PDE7B: variants seen among roughly 807,000 people sequenced by gnomAD.
PDE7B encodes the protein 3',5'-cyclic-AMP phosphodiesterase 7B.
Under a neutral mutation model 56.2 loss-of-function variants are expected in PDE7B, and 29 were observed. That is an observed-to-expected ratio of 0.52 (90% CI 0.38 to 0.70). The LOEUF is 0.70. Ranked by LOEUF, PDE7B falls within the 30% of genes least tolerant of loss-of-function variation. PDE7B has a pLI of 0.00. For missense variants in PDE7B, 490 were observed against 565.0 expected, an observed-to-expected ratio of 0.87 and a Z score of 1.35; for synonymous variants, 197 against 196.9, an observed-to-expected ratio of 1.00 and a Z score of 0.00.
chr6:136,097,216 C>T (rs1208134005), intron 2 of PDE7B, among the ~76,000 whole-genome samples: 1 of 152,130 alleles, frequency 6.6e-6, no homozygotes, highest in Admixed American at 6.5e-5. Flanking sequence ...AGAAATTCCC[C>T]CTAAGCCCCA....
intron 2 of PDE7B, among the ~76,000 whole-genome samples, chr6:136,067,356 G>A (rs533847901): frequency 6.6e-6 from 1 of 152,232 alleles, no homozygotes; most frequent in Admixed American, 6.5e-5. Flanking sequence ...ATTTATTTCT[G>A]TTTCTCAGCC....
chr6:135,979,856 C>T lies in PDE7B; in HGVS notation c.82+32332C>T, dbSNP rs2077345857. Among the ~76,000 whole-genome samples the T allele has an allele frequency of 2.6e-5, 4 of 152,070 alleles. No homozygotes were observed. In the South Asian group the frequency reaches 8.3e-4, roughly 32 times the overall value. ...GGAAGAATCAATATCGTGAAAATGGCCATACTGCCCAAGGTAATTTATAGA... is the reference window on the plus strand; with the variant it reads ...GGAAGAATCAATATCGTGAAAATGGTCATACTGCCCAAGGTAATTTATAGA... On this transcript the variant is annotated intron_variant, in intron 2 of 12. Coordinates refer to ENST00000308191, the MANE Select transcript of PDE7B (RefSeq NM_018945.4).
At chr6:136,163,609 T>C (rs947837468) in intron 8 of PDE7B, among the ~76,000 whole-genome samples, 3 of 152,256 alleles carry the variant, frequency 2.0e-5, no homozygotes, top group African/African-American at 4.8e-5. Flanking sequence ...CTTGAATTTC[T>C]CCCCAGAAAA....
intron 3 of PDE7B, among the ~76,000 whole-genome samples, chr6:136,130,232 C>T (rs982270889): frequency 2.6e-5 from 4 of 152,108 alleles, no homozygotes; most frequent in African/African-American, 4.8e-5. Context: ...CAGAGGGTGG[C>T]GCCAAAAACT....
intron 3 of PDE7B, chr6:136,111,089 C>T (rs1177191126): frequency 6.6e-6 from 1 of 152,126 alleles, no homozygotes; most frequent in Non-Finnish European, 1.5e-5. Context: ...CTCTTTCACC[C>T]ATGTCTCTTA....
At chr6:136,163,520 G>T (rs1778744485) in intron 8 of PDE7B, among the ~76,000 whole-genome samples, 1 of 152,214 alleles carries the variant, frequency 6.6e-6, no homozygotes. Flanking sequence ...GGAGGTCTTA[G>T]ACATGCCTTG....
intron 1 of PDE7B, among the ~76,000 whole-genome samples, chr6:135,902,784 T>C (rs1776028252): frequency 6.6e-6 from 1 of 152,196 alleles, no homozygotes; most frequent in Non-Finnish European, 1.5e-5. Flanking sequence ...ATAAGTCAAA[T>C]AGTTCTGTTA....
chr6:136,084,620 C>A (rs1222168745), intron 2 of PDE7B, among the ~76,000 whole-genome samples: 1 of 152,162 alleles, frequency 6.6e-6, no homozygotes, highest in Non-Finnish European at 1.5e-5. Context: ...TTAGCTAATA[C>A]AGGTAGTTGT....
intron 2 of PDE7B, among the ~76,000 whole-genome samples, chr6:136,005,936 C>G (rs1402326851): frequency 1.3e-5 from 2 of 151,822 alleles, no homozygotes; most frequent in Non-Finnish European, 2.9e-5. Flanking sequence ...TTCACAATAG[C>G]AAAGACTTGG....
intron 11 of PDE7B, among the ~76,000 whole-genome samples, chr6:136,182,637 C>T (rs1460303637): frequency 6.6e-6 from 1 of 152,194 alleles, no homozygotes; most frequent in Non-Finnish European, 1.5e-5. Context: ...TTTATTTTCT[C>T]ATCTTGCACC....
intron 2 of PDE7B, among the ~76,000 whole-genome samples, chr6:136,077,538 A>G (rs116895590): frequency 3.3e-5 from 5 of 152,296 alleles, no homozygotes; most frequent in African/African-American, 4.8e-5. Context: ...TATGTACAGT[A>G]TTACTTAGAT....
chr6:136,000,730 G>A (rs533245210), intron 2 of PDE7B, among the ~76,000 whole-genome samples: 1 of 152,264 alleles, frequency 6.6e-6, no homozygotes, highest in South Asian at 2.1e-4. Flanking sequence ...CTTGGCTAAG[G>A]AGGCCTGCCT....
chr6:135,968,143 T>C (rs931511465), intron 2 of PDE7B, among the ~76,000 whole-genome samples: 3 of 152,104 alleles, frequency 2.0e-5, no homozygotes, highest in Non-Finnish European at 4.4e-5. Flanking sequence ...TTATACCTTA[T>C]GCAAAAATTA....
At position 136,048,252 on chromosome 6, in the gene PDE7B, G is replaced by C. The variant is rs139082146; in HGVS notation, c.83-60479G>C. On this transcript the variant is annotated intron_variant, in intron 2 of 12. Coordinates refer to ENST00000308191, the MANE Select transcript of PDE7B (RefSeq NM_018945.4). Reference sequence around the variant, plus strand: ...AGAAAGGAGATGATGGGCTGGGCGCGGTGGCTCACGGCTATAACATCAGCA... The same window carrying C: ...AGAAAGGAGATGATGGGCTGGGCGCCGTGGCTCACGGCTATAACATCAGCA... Among the ~76,000 whole-genome samples the C allele has an allele frequency of 1.8e-3, 280 of 152,290 alleles. 1 individual carries two copies. The highest frequency in any genetic ancestry group is 6.4e-3 in the African/African-American group (266 of 41,546).
intron 2 of PDE7B, among the ~76,000 whole-genome samples, chr6:136,092,575 A>G (rs1239806462): frequency 6.6e-6 from 1 of 152,172 alleles, no homozygotes; most frequent in Non-Finnish European, 1.5e-5. Flanking sequence ...AGCCTGGCCA[A>G]CATGGTGAAA....
intron 1 of PDE7B, among the ~76,000 whole-genome samples, chr6:135,875,513 G>C (rs1583726528): frequency 6.6e-6 from 1 of 152,182 alleles, no homozygotes; most frequent in Non-Finnish European, 1.5e-5. Flanking sequence ...TCCATCCCTA[G>C]AACTGTTATT....
At chr6:136,104,215 C>T (rs569460071) in intron 2 of PDE7B, among the ~76,000 whole-genome samples, 2 of 152,296 alleles carry the variant, frequency 1.3e-5, no homozygotes, top group South Asian at 4.1e-4. Context: ...CAGAATGCCC[C>T]TGCTGTTTGT....
At chr6:136,003,795 C>G (rs1262038346) in intron 2 of PDE7B, among the ~76,000 whole-genome samples, 1 of 152,174 alleles carries the variant, frequency 6.6e-6, no homozygotes, top group Non-Finnish European at 1.5e-5. Flanking sequence ...TGGTACCATT[C>G]CTTCTGAAAC....
intron 2 of PDE7B, among the ~76,000 whole-genome samples, chr6:136,100,778 G>T (rs1777548363): frequency 6.6e-6 from 1 of 152,122 alleles, no homozygotes; most frequent in Admixed American, 6.6e-5. Flanking sequence ...TTGCCTGATT[G>T]CCCTGGCCAG....
Sources: allele counts gnomAD v4.1 joint callset (sites outside exome capture counted in the v4.1 genomes callset), GRCh38; gene constraint gnomAD v4.1.1; transcripts MANE v1.5; gene names NCBI Gene and HGNC (gene_info 2026-07-23, HGNC 2026-07-21).